RPL11: variants seen among roughly 807,000 people sequenced by gnomAD.
RPL11 encodes the protein large ribosomal subunit protein uL5.
Under a neutral mutation model 24.1 loss-of-function variants are expected in RPL11, and 3 were observed. The ratio of observed to expected loss-of-function variants is 0.12; its 90% CI spans 0.06 to 0.32. The LOEUF (loss-of-function observed/expected upper bound fraction) is 0.32, where lower values mean the gene tolerates loss of function less well. Ranked by LOEUF, RPL11 falls within the 10% of genes least tolerant of loss-of-function variation. The pLI, the probability that RPL11 is intolerant of heterozygous loss-of-function variation, is 1.00. For synonymous variants in RPL11, 96 were observed against 75.7 expected (o/e 1.27, Z -1.39); for missense variants, 146 against 225.7 (o/e 0.65, Z 2.26).
rs1644533388 is a variant in RPL11, at chr1:23,696,472, T to C, written c.*99T>C. ...AGGATCCTGGCCATATTCAAGTCCT[T>C]GGACCTCAAGCCACTTAAAGCTTCG... is the stretch of plus-strand genomic sequence containing the variant. On this transcript the variant is annotated 3_prime_UTR_variant, in exon 6 of 6. Transcript: ENST00000643754. The C allele has an allele frequency of 1.6e-6, 2 of 1,265,330 alleles. No homozygotes were observed. Among genetic ancestry groups the C allele is most frequent in the African/African-American group, 2.9e-5 (2 of 68,068 alleles). 78.4% of individuals were successfully genotyped at this position (1,265,330 alleles called of 1,614,324 possible).
At position 23,694,783 on chromosome 1, in the gene RPL11, T is replaced by C; in HGVS notation, c.388T>C (p.Phe130Leu). The C allele has an allele frequency of 6.2e-7, 1 of 1,614,228 alleles. No homozygotes were observed. Among genetic ancestry groups the C allele is most frequent in the Non-Finnish European group, 8.5e-7 (1 of 1,180,038 alleles). ...DPSIGIYGLDFYVVLGRPGFS... is the reference protein window; with the variant it reads ...DPSIGIYGLDLYVVLGRPGFS... ...AAGCATTGGTATCTACGGCCTGGAC[T>C]TCTATGTGGTATGAATATTTAATCT... Residue 130 changes from phenylalanine (F) to leucine (L), a missense_variant, in exon 4 of 6, where the codon TTC becomes CTC. By Grantham distance (22) the Phe-to-Leu change is conservative (BLOSUM62 0). Transcript: ENST00000643754.
intron 4 of RPL11, 112 bp from the exon 5 acceptor site, chr1:23,695,686 A>G (rs1049756433): frequency 1.2e-5 from 12 of 965,586 alleles, no homozygotes; most frequent in Admixed American, 6.0e-5. Context: ...TTGCTCCAGA[A>G]TCCATTGGGC....
chr1:23,696,312 G>A (rs1644532495), intron 5 of RPL11, 32 bp from the exon 6 acceptor site: 2 of 1,611,226 alleles, frequency 1.2e-6, no homozygotes, highest in South Asian at 2.2e-5. Context: ...GTTGCCTCCT[G>A]TTCTGAAAAA....
intron 4 of RPL11, chr1:23,695,578 G>C (rs542913487): frequency 4.3e-4 from 254 of 590,156 alleles, no homozygotes; most frequent in South Asian, 2.1e-3. Context: ...CTGGGTTAGG[G>C]GGGTGCTGAA....
chr1:23,692,081 G>C (rs779379545), intron 1 of RPL11: 27 of 597,778 alleles, frequency 4.5e-5, no homozygotes, highest in Non-Finnish European at 7.7e-5. Context: ...TGCAGCGGGG[G>C]CAGATGGGGT....
At chr1:23,694,973 C>T in intron 4 of RPL11, 182 bp downstream of exon 4, 1 of 850,040 alleles carries the variant, frequency 1.2e-6, no homozygotes, top group South Asian at 1.5e-5. Flanking sequence ...CAGCTCTGAA[C>T]AAGGTGGACA....
chr1:23,692,277 TTC>T (rs891373128), intron 1 of RPL11: 80 of 421,400 alleles, frequency 1.9e-4, no homozygotes, highest in African/African-American at 1.5e-3. Flanking sequence ...AGCAATTAAG[TTC>T]TGTTTCTTCG....
In RPL11 at chr1:23,693,885, C is replaced by T. The variant is rs771039666; in HGVS notation, c.236C>T (p.Ala79Val). The change falls in exon 3 of 6, where the codon GCA (alanine) becomes GTA (valine). Residue 79 changes from alanine (A) to valine (V), a missense_variant. By Grantham distance (64) the Ala-to-Val change is moderately conservative (BLOSUM62 0). Transcript: ENST00000643754. ...CACTGCACAGTTCGAGGGGCCAAGG[C>T]AGAAGAAATCTTGGAGAAGGGTCTA... ...AVHCTVRGAK[A>V]EEILEKGLKV... The T allele has an allele frequency of 4.3e-6, 7 of 1,614,122 alleles. No homozygotes were observed. Among genetic ancestry groups the T allele is most frequent in the Non-Finnish European group, 5.1e-6 (6 of 1,179,980 alleles).
chr1:23,696,000 G>A, intron 5 of RPL11, 92 bp downstream of exon 5: 2 of 1,219,092 alleles, frequency 1.6e-6, no homozygotes, highest in South Asian at 1.3e-5. Context: ...ACTATTTGCT[G>A]GGTATCTTCT....
Position 23,696,750 on chromosome 1 carries a change from A to C in RPL11, c.*377A>C, listed in dbSNP as rs1020450284. 3.0e-6 allele frequency: 1 copy of C among 338,226 alleles called. No homozygotes were observed. Among genetic ancestry groups the C allele is most frequent in the Non-Finnish European group, 5.6e-6 (1 of 178,304 alleles). The allele number at this position is 338,226 out of a possible 1,614,324, so 21.0% of individuals were successfully genotyped here. A position where few individuals can be genotyped will look rare whatever the true frequency, so the allele number is the denominator to read the frequency against. ...CTGCTATTCAGTGATTCTGTTCTGT[A>C]CTAGAAATTTTATCAGCATTGATGC... On this transcript the variant is annotated 3_prime_UTR_variant, in exon 6 of 6. Transcript: ENST00000643754.
chr1:23,691,936 A>G, intron 1 of RPL11, 107 bp downstream of exon 1: 1 of 1,458,574 alleles, frequency 6.9e-7, no homozygotes, highest in Non-Finnish European at 9.6e-7. Context: ...TGGAGCCCGC[A>G]ATGCCTGCTG....
Position 23,696,435 on chromosome 1 carries a change from G to C in RPL11, c.*62G>C. ...TCAGTGAAATGTGCAATTCTGTTGT[G>C]TGTTCTGTGAAAGGATCCTGGCCAT... On this transcript the variant is annotated 3_prime_UTR_variant, in exon 6 of 6. Coordinates refer to ENST00000643754, the MANE Select transcript of RPL11 (RefSeq NM_000975.5). The C allele has an allele frequency of 2.0e-6, 3 of 1,537,168 alleles. No homozygotes were observed. The highest frequency in any genetic ancestry group is 2.7e-6 in the Non-Finnish European group (3 of 1,111,394).
chr1:23,696,496 C>T lies in RPL11; in HGVS notation c.*123C>T, dbSNP rs1570569494. ...TTGGACCTCAAGCCACTTAAAGCTT[C>T]GATGGGAGTAGCTGGTAACAACCCC... On this transcript the variant is annotated 3_prime_UTR_variant, in exon 6 of 6. Coordinates refer to ENST00000643754, the MANE Select transcript of RPL11 (RefSeq NM_000975.5). 6.5e-6 allele frequency: 6 copies of T among 921,950 alleles called. No individual in the cohort carries two copies. The highest frequency in any genetic ancestry group is 1.4e-5 in the South Asian group (1 of 73,196). The allele number at this position is 921,950 out of a possible 1,614,324, so 57.1% of individuals were successfully genotyped here.
intron 5 of RPL11, 59 bp downstream of exon 5, chr1:23,695,967 G>T (rs1224281287): frequency 6.7e-7 from 1 of 1,487,894 alleles, no homozygotes; most frequent in African/African-American, 1.4e-5. Context: ...ATGGAGTTGG[G>T]ATTTGGGGAT....
intron 4 of RPL11, chr1:23,695,354 T>C: frequency 3.6e-6 from 1 of 277,580 alleles, no homozygotes; most frequent in East Asian, 9.0e-5. Flanking sequence ...GTAATAAGAC[T>C]TGGATACTCA....
At chr1:23,695,284 A>G (rs1196999625) in intron 4 of RPL11, 1 of 283,066 alleles carries the variant, frequency 3.5e-6, no homozygotes, top group Non-Finnish European at 6.8e-6. Context: ...AATAGCCTAA[A>G]TCAGAAGTCC....
chr1:23,694,922 C>A, intron 4 of RPL11, 131 bp downstream of exon 4: 1 of 1,434,358 alleles, frequency 7.0e-7, no homozygotes. Flanking sequence ...TTCTCCTCCC[C>A]CTTGGGGAAA....
chr1:23,695,915 C>T lies in RPL11; in HGVS notation c.507+7C>T, dbSNP rs1444647110. The T allele has an allele frequency of 1.3e-6, 2 of 1,566,334 alleles. No homozygotes were observed. Among genetic ancestry groups the T allele is most frequent in the East Asian group, 2.3e-5 (1 of 42,616 alleles). Reference sequence around the variant, plus strand: ...GCGCTGGTTCCAGCAGAAGGTAAAGCTGATTTATCTCAAGTGAAGTGGTGG... The same window carrying T: ...GCGCTGGTTCCAGCAGAAGGTAAAGTTGATTTATCTCAAGTGAAGTGGTGG... On this transcript the variant is annotated splice_region_variant and intron_variant, in intron 5 of 5. Coordinates refer to ENST00000643754, the MANE Select transcript of RPL11 (RefSeq NM_000975.5).
intron 4 of RPL11, 32 bp from the exon 5 acceptor site, chr1:23,695,766 G>A (rs1275129034): frequency 1.9e-6 from 3 of 1,551,820 alleles, no homozygotes; most frequent in Non-Finnish European, 2.6e-6. Context: ...ACTCTGAGCT[G>A]GCTAGGTGAC....
Sources: allele counts gnomAD v4.1 joint callset, GRCh38; gene constraint gnomAD v4.1.1; transcripts MANE v1.5; gene names NCBI Gene and HGNC (gene_info 2026-07-23, HGNC 2026-07-21).